TOX3: variants seen among roughly 807,000 people sequenced by gnomAD.
TOX3 encodes the protein CAG trinucleotide repeat-containing gene F9 protein.
In TOX3, 22 loss-of-function variants were observed where a neutral mutation model predicts 64.3. That is an observed-to-expected ratio of 0.34 (90% CI 0.24 to 0.49). The LOEUF (loss-of-function observed/expected upper bound fraction) is 0.49. TOX3 is among the 20% of genes least tolerant of loss of function. TOX3 has a pLI of 0.99. For missense variants in TOX3, 661 were observed against 714.4 expected, an observed-to-expected ratio of 0.93 and a Z score of 0.85; for synonymous variants, 291 against 273.6, an observed-to-expected ratio of 1.06 and a Z score of -0.63.
At chr16:52,528,791 T>G (rs1314269893) in intron 1 of TOX3, among the ~76,000 whole-genome samples, 1 of 152,176 alleles carries the variant, frequency 6.6e-6, no homozygotes, top group Non-Finnish European at 1.5e-5. Context: ...CATGAGACAC[T>G]TGAAAGCAAT....
At chr16:52,461,547 A>G (rs758427822) in intron 3 of TOX3, among the ~76,000 whole-genome samples, 5 of 152,146 alleles carry the variant, frequency 3.3e-5, no homozygotes, top group Non-Finnish European at 5.9e-5. Flanking sequence ...CTCTTTCTAA[A>G]GGAAAACCGA....
chr16:52,439,159 C>T lies in TOX3; in HGVS notation c.*66G>A, dbSNP rs1959847785. ...CCAACACCAACTTACAGGTTTCAGC[C>T]ACATATGCTTTTCCCTCCTATGCCA... On this transcript the variant is annotated 3_prime_UTR_variant, in exon 7 of 7. Coordinates refer to ENST00000219746, the MANE Select transcript of TOX3 (RefSeq NM_001080430.4). The T allele has an allele frequency of 3.1e-6, 5 of 1,605,672 alleles. No individual in the cohort carries two copies. The East Asian group carries it at 8.9e-5, about 29-fold the overall frequency.
At position 52,438,959 on chromosome 16, in the gene TOX3, G is replaced by A. The variant is rs756582217; in HGVS notation, c.*266C>T. ...TAAACAGTTTGATTCACATATTGTA[G>A]GTATAGCCTGAATAAATAAAAAAGG... On this transcript the variant is annotated 3_prime_UTR_variant, in exon 7 of 7. Transcript: ENST00000219746. 4.8e-6 allele frequency: 3 copies of A among 623,232 alleles called. No homozygotes were observed. In the Admixed American group the frequency reaches 5.5e-5, roughly 11 times the overall value. 38.6% of individuals were successfully genotyped at this position (623,232 alleles called of 1,614,324 possible). A position where few individuals can be genotyped will look rare whatever the true frequency, so the allele number is the denominator to read the frequency against.
At chr16:52,485,896 A>C (rs950218945) in intron 1 of TOX3, among the ~76,000 whole-genome samples, 4 of 152,110 alleles carry the variant, frequency 2.6e-5, no homozygotes, top group African/African-American at 9.7e-5. Context: ...AAGAGCCATC[A>C]AGGAAGCTTC....
chr16:52,499,013 A>G (rs1036740669), intron 1 of TOX3, among the ~76,000 whole-genome samples: 6 of 152,234 alleles, frequency 3.9e-5, no homozygotes, highest in Non-Finnish European at 8.8e-5. Flanking sequence ...GCAGTTTTAC[A>G]TTACAGTCCC....
chr16:52,541,833 A>G (rs1963082690), intron 1 of TOX3, among the ~76,000 whole-genome samples: 1 of 152,196 alleles, frequency 6.6e-6, no homozygotes, highest in South Asian at 2.1e-4. Context: ...ACCTCTAGTT[A>G]GGAGCAGCAG....
intron 3 of TOX3, among the ~76,000 whole-genome samples, chr16:52,453,388 T>C (rs754033864): frequency 3.3e-5 from 5 of 152,118 alleles, no homozygotes; most frequent in Non-Finnish European, 7.4e-5. Context: ...TTCACCATGT[T>C]GGTCAGGCTT....
intron 1 of TOX3, among the ~76,000 whole-genome samples, chr16:52,480,578 T>C (rs1294698650): frequency 6.6e-6 from 1 of 152,204 alleles, no homozygotes; most frequent in Non-Finnish European, 1.5e-5. Flanking sequence ...TATTTTTAAA[T>C]GAAAACCTTT....
intron 1 of TOX3, among the ~76,000 whole-genome samples, chr16:52,533,427 C>T (rs2151486021): frequency 6.6e-6 from 1 of 152,238 alleles, no homozygotes; most frequent in Non-Finnish European, 1.5e-5. Context: ...TTTCAATCCC[C>T]CAGATAAAAT....
intron 1 of TOX3, among the ~76,000 whole-genome samples, chr16:52,485,263 TA>T (rs1961497334): frequency 1.4e-5 from 2 of 146,874 alleles, no homozygotes; most frequent in Admixed American, 6.8e-5. Context: ...TATATATATA[TA>T]TATATATACA....
At chr16:52,447,216 C>T (rs548419817) in intron 4 of TOX3, among the ~76,000 whole-genome samples, 11 of 152,234 alleles carry the variant, frequency 7.2e-5, no homozygotes, top group African/African-American at 1.9e-4. Flanking sequence ...ATTACAATAT[C>T]GAAGATAATT....
intron 1 of TOX3, chr16:52,519,537 T>C: frequency 6.5e-7 from 1 of 1,536,584 alleles, no homozygotes; most frequent in Non-Finnish European, 8.8e-7. Context: ...CTGACTCTTC[T>C]GTCCTCTGCT....
chr16:52,525,541 T>A (rs934401183), intron 1 of TOX3, among the ~76,000 whole-genome samples: 1 of 152,186 alleles, frequency 6.6e-6, no homozygotes, highest in Non-Finnish European at 1.5e-5. Flanking sequence ...ACCCAAAGTA[T>A]CTTTGCTATC....
rs138500310 is a variant in TOX3, at chr16:52,525,066, T to A, written c.87+21571A>T. Among the ~76,000 whole-genome samples, 474 of 152,320 alleles carry A rather than the reference T, an allele frequency of 3.1e-3. 1 individual carries two copies. Among genetic ancestry groups the A allele is most frequent in the African/African-American group, 9.4e-3 (389 of 41,570 alleles). On this transcript the variant is annotated intron_variant, in intron 1 of 6. Transcript: ENST00000219746. Reference sequence around the variant, plus strand: ...AAGAGAATATTGTTTTGTTGCTTTTTAAAAAATAAATTTGCAGGTCCTGAC... The same window carrying A: ...AAGAGAATATTGTTTTGTTGCTTTTAAAAAAATAAATTTGCAGGTCCTGAC...
chr16:52,522,805 G>A (rs9941100), intron 1 of TOX3, among the ~76,000 whole-genome samples: 98 of 152,288 alleles, frequency 6.4e-4, no homozygotes, highest in African/African-American at 2.2e-3. Flanking sequence ...AGTACCATGA[G>A]AAGCATTTTT....
chr16:52,520,334 T>C (rs1282644996), intron 1 of TOX3, among the ~76,000 whole-genome samples: 1 of 152,198 alleles, frequency 6.6e-6, no homozygotes, highest in Non-Finnish European at 1.5e-5. Flanking sequence ...TAGCACCTTA[T>C]CTTACACAAA....
chr16:52,467,712 T>G (rs1038396511), intron 2 of TOX3, among the ~76,000 whole-genome samples: 1 of 152,204 alleles, frequency 6.6e-6, no homozygotes, highest in Admixed American at 6.5e-5. Context: ...CCATGTTTTA[T>G]CTAATCAAGA....
intron 1 of TOX3, among the ~76,000 whole-genome samples, chr16:52,478,214 C>A (rs1167570901): frequency 6.6e-6 from 1 of 152,190 alleles, no homozygotes; most frequent in Non-Finnish European, 1.5e-5. Context: ...GTCCCTATAT[C>A]ATCTGGGTGC....
intron 1 of TOX3, among the ~76,000 whole-genome samples, chr16:52,487,541 G>A (rs186439879): frequency 4.8e-4 from 73 of 152,192 alleles, no homozygotes; most frequent in East Asian, 1.2e-3. Context: ...ATATACCCAC[G>A]TCATTTAAGT....
Sources: allele counts gnomAD v4.1 joint callset (sites outside exome capture counted in the v4.1 genomes callset), GRCh38; gene constraint gnomAD v4.1.1; transcripts MANE v1.5; gene names NCBI Gene and HGNC (gene_info 2026-07-23, HGNC 2026-07-21).